The following CCDC148 variants were observed in gnomAD, a reference collection of about 807,000 sequenced individuals.
CCDC148 encodes coiled-coil domain containing 148.
Under a neutral mutation model 85.7 loss-of-function variants are expected in CCDC148, and 89 were observed. The observed-to-expected ratio is 1.04, with a 90% confidence interval of 0.87 to 1.24. The LOEUF is 1.24. CCDC148 is among the 50% of genes most tolerant of loss of function. The pLI is 0.00. For missense variants in CCDC148, 692 were observed against 671.7 expected (o/e 1.03, Z -0.33); for synonymous variants, 230 against 213.9 (o/e 1.08, Z -0.66).
Position 158,313,774 on chromosome 2 carries a change from G to A in CCDC148, c.885C>T (p.His295=). The A allele has an allele frequency of 6.2e-7, 1 of 1,613,710 alleles. No individual in the cohort carries two copies. Among genetic ancestry groups the A allele is most frequent in the Non-Finnish European group, 8.5e-7 (1 of 1,179,838 alleles). Residue 295 remains histidine, a synonymous_variant, in exon 8 of 14, where the codon CAC becomes CAT. Transcript: ENST00000283233. ...YLDMLQRYFP[H]KSRHDLVEHE... Reference sequence around the variant, plus strand: ...TACTCACCAAATCATGCCTAGATTTGTGAGGAAAATATCTTTGTAACATGT... The same window carrying A: ...TACTCACCAAATCATGCCTAGATTTATGAGGAAAATATCTTTGTAACATGT...
At chr2:158,204,782 C>T (rs1686152620) in intron 11 of CCDC148, among the ~76,000 whole-genome samples, 1 of 152,178 alleles carries the variant, frequency 6.6e-6, no homozygotes, top group Non-Finnish European at 1.5e-5. Flanking sequence ...GAAGACATAA[C>T]TTCAACAAGA....
chr2:158,319,736 T>A (rs1338201734), intron 7 of CCDC148, among the ~76,000 whole-genome samples: 1 of 152,166 alleles, frequency 6.6e-6, no homozygotes, highest in Non-Finnish European at 1.5e-5. Flanking sequence ...ATCTTAATAT[T>A]GCTTTGGAAG....
At position 158,281,841 on chromosome 2, in the gene CCDC148, C is replaced by A. The variant is rs975581699; in HGVS notation, c.1110+27592G>T. Among the ~76,000 whole-genome samples, 9 of 152,294 alleles carry A rather than the reference C, an allele frequency of 5.9e-5. No individual in the cohort carries two copies. The South Asian group carries it at 1.7e-3, about 28-fold the overall frequency. On this transcript the variant is annotated intron_variant, in intron 9 of 13. Coordinates refer to ENST00000283233, the MANE Select transcript of CCDC148 (RefSeq NM_138803.4). ...CACAACAAAAAAAGAGAACTTTAAACCAACATCCTTGATGAACATTGATGC... is the reference window on the plus strand; with the variant it reads ...CACAACAAAAAAAGAGAACTTTAAAACAACATCCTTGATGAACATTGATGC...
At chr2:158,204,482 T>A (rs1481209058) in intron 11 of CCDC148, among the ~76,000 whole-genome samples, 1 of 152,112 alleles carries the variant, frequency 6.6e-6, no homozygotes, top group Non-Finnish European at 1.5e-5. Flanking sequence ...CTCAGAGGCA[T>A]TATATAGGAA....
At chr2:158,421,002 T>C (rs1686751942) in intron 1 of CCDC148, among the ~76,000 whole-genome samples, 1 of 151,992 alleles carries the variant, frequency 6.6e-6, no homozygotes, top group Admixed American at 6.6e-5. Context: ...GGCCATTACA[T>C]AATGGTAAAG....
intron 11 of CCDC148, among the ~76,000 whole-genome samples, chr2:158,210,709 C>T (rs1231820935): frequency 2.2e-4 from 32 of 147,676 alleles, no homozygotes; most frequent in African/African-American, 8.1e-4. Flanking sequence ...TTTGGGAGGC[C>T]GAGGCAGGCA....
intron 7 of CCDC148, among the ~76,000 whole-genome samples, chr2:158,330,291 T>C (rs1168989146): frequency 2.6e-5 from 4 of 152,214 alleles, no homozygotes; most frequent in Non-Finnish European, 5.9e-5. Context: ...TTTGGTTCTG[T>C]TTATATGCTG....
intron 13 of CCDC148, among the ~76,000 whole-genome samples, chr2:158,175,822 C>T (rs887920082): frequency 6.6e-6 from 1 of 151,946 alleles, no homozygotes; most frequent in Admixed American, 6.6e-5. Flanking sequence ...GTAAAACTGA[C>T]AACTACTTTC....
At chr2:158,208,030 A>G (rs1454868814) in intron 11 of CCDC148, among the ~76,000 whole-genome samples, 1 of 151,938 alleles carries the variant, frequency 6.6e-6, no homozygotes, top group Non-Finnish European at 1.5e-5. Flanking sequence ...ACTATTTTAC[A>G]TGAGGTGTTG....
At chr2:158,333,084 G>A (rs963697967) in intron 7 of CCDC148, among the ~76,000 whole-genome samples, 5 of 151,960 alleles carry the variant, frequency 3.3e-5, no homozygotes, top group African/African-American at 1.2e-4. Context: ...GCTTTTGAAT[G>A]TGTTTGCTCT....
chr2:158,214,121 TAAAAAAAA>T (rs70990697), intron 11 of CCDC148, among the ~76,000 whole-genome samples: 2 of 96,630 alleles, frequency 2.1e-5, no homozygotes, highest in Non-Finnish European at 4.0e-5. Flanking sequence ...AACATTGTGG[TAAAAAAAA>T]AAAAAAAAAA....
chr2:158,373,973 C>T (rs1191354631), intron 1 of CCDC148, among the ~76,000 whole-genome samples: 1 of 152,026 alleles, frequency 6.6e-6, no homozygotes, highest in African/African-American at 2.4e-5. Flanking sequence ...TACATATTTG[C>T]TGAAAGAGCA....
intron 1 of CCDC148, among the ~76,000 whole-genome samples, chr2:158,421,139 G>C (rs1214869023): frequency 6.6e-6 from 1 of 151,982 alleles, no homozygotes; most frequent in Non-Finnish European, 1.5e-5. Context: ...AATAATAATG[G>C]GAGACTTTAA....
chr2:158,180,951 C>T (rs1684870207), intron 11 of CCDC148, among the ~76,000 whole-genome samples: 1 of 152,120 alleles, frequency 6.6e-6, no homozygotes, highest in African/African-American at 2.4e-5. Flanking sequence ...AACCAGAATG[C>T]TCCCTTTCTC....
chr2:158,274,298 T>C (rs1279134253), intron 9 of CCDC148, among the ~76,000 whole-genome samples: 3 of 152,310 alleles, frequency 2.0e-5, no homozygotes, highest in Admixed American at 6.5e-5. Context: ...CATTAAAGTA[T>C]GAAAAGATGT....
At chr2:158,447,118 T>C (rs1047138210) in intron 1 of CCDC148, 5 of 152,104 alleles carry the variant, frequency 3.3e-5, no homozygotes, top group Non-Finnish European at 7.4e-5. Context: ...GATTGCTGGG[T>C]CATATGGTAT....
chr2:158,211,557 C>A (rs553118649), intron 11 of CCDC148, among the ~76,000 whole-genome samples: 2 of 152,304 alleles, frequency 1.3e-5, no homozygotes, highest in Admixed American at 6.5e-5. Context: ...ACTTAGCACA[C>A]AACGAAAATC....
At chr2:158,193,651 T>C (rs1685523935) in intron 11 of CCDC148, among the ~76,000 whole-genome samples, 1 of 152,122 alleles carries the variant, frequency 6.6e-6, no homozygotes, top group African/African-American at 2.4e-5. Flanking sequence ...TCTCTAGGTA[T>C]AGTTGATGGA....
chr2:158,397,043 G>A (rs548895753), intron 1 of CCDC148, among the ~76,000 whole-genome samples: 22 of 152,056 alleles, frequency 1.4e-4, no homozygotes, highest in Middle Eastern at 3.4e-3. Flanking sequence ...AGGGATGTAC[G>A]GTGCAAAATG....
Sources: gnomAD v4.1 joint callset for allele counts (sites outside exome capture counted in the v4.1 genomes callset) on GRCh38, gnomAD v4.1.1 for gene constraint, MANE v1.5 for transcripts, NCBI Gene and HGNC (gene_info 2026-07-23, HGNC 2026-07-21) for gene names.